Variants in IGF2BP2 observed in about 807,000 individuals in gnomAD.
The protein encoded by IGF2BP2 is insulin-like growth factor 2 mRNA-binding protein 2.
Under a neutral mutation model 75.8 loss-of-function variants are expected in IGF2BP2, and 17 were observed. That is an observed-to-expected ratio of 0.22 (90% CI 0.15 to 0.34). The LOEUF (loss-of-function observed/expected upper bound fraction) is 0.34, where lower values mean the gene tolerates loss of function less well. Ranked by LOEUF, IGF2BP2 falls within the 10% of genes least tolerant of loss-of-function variation. IGF2BP2 has a pLI of 1.00. For synonymous variants in IGF2BP2, 288 were observed against 295.6 expected (o/e 0.97, Z 0.26); for missense variants, 516 against 772.4 (o/e 0.67, Z 3.93).
At chr3:185,718,362 T>C (rs1441400571) in intron 2 of IGF2BP2, among the ~76,000 whole-genome samples, 2 of 152,158 alleles carry the variant, frequency 1.3e-5, no homozygotes, top group African/African-American at 4.8e-5. Context: ...TAGTGGGATG[T>C]GGTTCCAGGG....
intron 2 of IGF2BP2, among the ~76,000 whole-genome samples, chr3:185,785,990 G>A (rs1735829737): frequency 6.6e-6 from 1 of 152,180 alleles, no homozygotes; most frequent in Non-Finnish European, 1.5e-5. Context: ...TTCAGAGGTT[G>A]ATAAGATACA....
chr3:185,824,757 G>C, intron 1 of IGF2BP2, 26 bp downstream of exon 1: 1 of 1,297,204 alleles, frequency 7.7e-7, no homozygotes, highest in African/African-American at 1.5e-5. Flanking sequence ...GCGAGGCGGG[G>C]GGAGGGGGCC....
intron 2 of IGF2BP2, chr3:185,716,376 T>A (rs1456422008): frequency 2.3e-6 from 1 of 438,282 alleles, no homozygotes. Flanking sequence ...TACAATCTTA[T>A]AAATATGCTC....
intron 10 of IGF2BP2, among the ~76,000 whole-genome samples, chr3:185,671,106 C>T (rs1463199077): frequency 6.6e-6 from 1 of 152,198 alleles, no homozygotes; most frequent in Admixed American, 6.5e-5. Flanking sequence ...GCTATTCTTA[C>T]TGCTTGGCGC....
intron 2 of IGF2BP2, 92 bp from the exon 3 acceptor site, chr3:185,698,439 TG>T: frequency 8.4e-7 from 1 of 1,197,020 alleles, no homozygotes; most frequent in Non-Finnish European, 1.2e-6. Flanking sequence ...CATTTGAATT[TG>T]TTTTCTCACT....
At chr3:185,817,523 CCA>C (rs1560518445) in intron 2 of IGF2BP2, among the ~76,000 whole-genome samples, 1 of 152,098 alleles carries the variant, frequency 6.6e-6, no homozygotes, top group Non-Finnish European at 1.5e-5. Flanking sequence ...AGACTAAAGT[CCA>C]TGATCAAAAC....
At chr3:185,789,890 C>T (rs894117355) in intron 2 of IGF2BP2, among the ~76,000 whole-genome samples, 3 of 152,080 alleles carry the variant, frequency 2.0e-5, no homozygotes, top group Non-Finnish European at 4.4e-5. Context: ...TCCGCCACCA[C>T]ATCTGGCTAA....
intron 2 of IGF2BP2, among the ~76,000 whole-genome samples, chr3:185,704,007 G>C (rs1188589197): frequency 1.3e-5 from 2 of 152,144 alleles, no homozygotes; most frequent in African/African-American, 4.8e-5. Context: ...AGGCCAACTA[G>C]GAACTGGAGG....
chr3:185,733,809 G>A (rs1485276630), intron 2 of IGF2BP2, among the ~76,000 whole-genome samples: 1 of 151,906 alleles, frequency 6.6e-6, no homozygotes, highest in East Asian at 1.9e-4. Flanking sequence ...TAAAGTAAAT[G>A]CAACAAGCAC....
chr3:185,744,380 A>G (rs1729961205), intron 2 of IGF2BP2, among the ~76,000 whole-genome samples: 1 of 152,202 alleles, frequency 6.6e-6, no homozygotes, highest in Admixed American at 6.5e-5. Flanking sequence ...TGTATGATAT[A>G]GTCTGCAAAA....
intron 2 of IGF2BP2, among the ~76,000 whole-genome samples, chr3:185,771,393 T>C (rs972488295): frequency 8.6e-5 from 13 of 151,204 alleles, no homozygotes; most frequent in Middle Eastern, 6.8e-3. Flanking sequence ...TGGGCTGAGA[T>C]TGAGCCACTG....
intron 2 of IGF2BP2, among the ~76,000 whole-genome samples, chr3:185,771,344 G>A (rs1733844600): frequency 8.7e-6 from 1 of 115,258 alleles, no homozygotes; most frequent in South Asian, 3.3e-4. Flanking sequence ...GGGTGGCTGA[G>A]GCAGGAGAAT....
At chr3:185,764,624 T>C (rs999476241) in intron 2 of IGF2BP2, among the ~76,000 whole-genome samples, 1 of 152,148 alleles carries the variant, frequency 6.6e-6, no homozygotes, top group African/African-American at 2.4e-5. Flanking sequence ...GCAGAGAGCT[T>C]TTCTAGAGAT....
intron 7 of IGF2BP2, among the ~76,000 whole-genome samples, chr3:185,677,959 G>A (rs771649104): frequency 1.3e-5 from 2 of 152,144 alleles, no homozygotes; most frequent in Non-Finnish European, 2.9e-5. Flanking sequence ...AGGGACCTAT[G>A]AGACATGCCA....
chr3:185,676,029 A>C (rs973350245), intron 7 of IGF2BP2, 116 bp from the exon 8 acceptor site: 20 of 1,358,328 alleles, frequency 1.5e-5, no homozygotes, highest in Non-Finnish European at 1.9e-5. Flanking sequence ...GTACCAAGTG[A>C]TGATGGGATT....
At position 185,777,359 on chromosome 3, in the gene IGF2BP2, C is replaced by T. The variant is rs564446550; in HGVS notation, c.239+45794G>A. Among the ~76,000 whole-genome samples the T allele has an allele frequency of 3.9e-5, 6 of 152,192 alleles. No homozygotes were observed. The East Asian group carries it at 1.2e-3, about 29-fold the overall frequency. On this transcript the variant is annotated intron_variant, in intron 2 of 15. Transcript: ENST00000382199. ...ACCAAAACAAAACAAAAAAAATTAG[C>T]TAAGCATGGTGGCTCATGCCTGTAG...
At chr3:185,668,913 C>A (rs1718090732) in intron 10 of IGF2BP2, among the ~76,000 whole-genome samples, 1 of 152,130 alleles carries the variant, frequency 6.6e-6, no homozygotes, top group East Asian at 1.9e-4. Context: ...GTCACTTGCT[C>A]AAAGTTAAAA....
chr3:185,723,154 A>G (rs1726812740), intron 2 of IGF2BP2, among the ~76,000 whole-genome samples: 1 of 152,216 alleles, frequency 6.6e-6, no homozygotes, highest in Non-Finnish European at 1.5e-5. Flanking sequence ...AGGTTTGTGA[A>G]CATGTTTATG....
chr3:185,811,855 T>G (rs866015444), intron 2 of IGF2BP2, among the ~76,000 whole-genome samples: 4 of 97,778 alleles, frequency 4.1e-5, no homozygotes, highest in East Asian at 2.4e-4. Flanking sequence ...TCTCTCTCTC[T>G]CTCTCTCTCT....
Sources: allele counts gnomAD v4.1 joint callset (sites outside exome capture counted in the v4.1 genomes callset), GRCh38; gene constraint gnomAD v4.1.1; transcripts MANE v1.5; gene names NCBI Gene and HGNC (gene_info 2026-07-23, HGNC 2026-07-21).